EBF2: variants seen among roughly 807,000 people sequenced by gnomAD.
EBF2 encodes EBF transcription factor 2, also known as transcription factor COE2.
A neutral mutation model predicts 72.8 loss-of-function variants in EBF2; 21 were observed. That is an observed-to-expected ratio of 0.29 (90% CI 0.20 to 0.42). The LOEUF (loss-of-function observed/expected upper bound fraction) is 0.42, where lower values mean the gene tolerates loss of function less well. Among genes scored for constraint, EBF2 ranks in the 10% least tolerant of loss-of-function variants. The pLI, the probability that EBF2 is intolerant of heterozygous loss-of-function variation, is 1.00. For missense variants in EBF2, 637 were observed against 731.2 expected (o/e 0.87, Z 1.49); for synonymous variants, 299 against 274.2 (o/e 1.09, Z -0.89).
chr8:25,862,212 G>C (rs1056490594), intron 11 of EBF2, among the ~76,000 whole-genome samples: 1 of 152,042 alleles, frequency 6.6e-6, no homozygotes, highest in Non-Finnish European at 1.5e-5. Context: ...TAACAACATG[G>C]GCCAAATTCA....
intron 15 of EBF2, among the ~76,000 whole-genome samples, chr8:25,845,201 C>T (rs1319119107): frequency 1.3e-5 from 2 of 152,026 alleles, no homozygotes; most frequent in Non-Finnish European, 2.9e-5. Context: ...GAACACTGAT[C>T]ACTGGAATAG....
chr8:26,036,328 A>G (rs547648851), intron 5 of EBF2, among the ~76,000 whole-genome samples: 1 of 152,326 alleles, frequency 6.6e-6, no homozygotes, highest in Admixed American at 6.5e-5. Context: ...AAAAATGCAG[A>G]TAAACTTTAG....
chr8:25,917,697 T>A (rs1403137446), intron 6 of EBF2, among the ~76,000 whole-genome samples: 5 of 152,182 alleles, frequency 3.3e-5, no homozygotes, highest in Admixed American at 3.3e-4. Flanking sequence ...AAGTTATTAG[T>A]CAGCCATCAG....
Position 25,885,181 on chromosome 8 carries a change from G to A in EBF2, c.1009+1574C>T, listed in dbSNP as rs939299448. On this transcript the variant is annotated intron_variant, in intron 10 of 15. Coordinates refer to ENST00000520164, the MANE Select transcript of EBF2 (RefSeq NM_022659.4). ...TCAATGCCTTCTTATTTTCTGACAA[G>A]TCAAGTCTAAACTCCCTTACCAGGC... is the stretch of plus-strand genomic sequence containing the variant. Among the ~76,000 whole-genome samples the A allele has an allele frequency of 4.7e-5, 7 of 150,518 alleles. No individual in the cohort carries two copies. The East Asian group carries it at 1.2e-3, about 25-fold the overall frequency.
At chr8:25,896,862 G>A (rs895453008) in intron 7 of EBF2, among the ~76,000 whole-genome samples, 3 of 152,162 alleles carry the variant, frequency 2.0e-5, no homozygotes, top group African/African-American at 7.2e-5. Flanking sequence ...ATGGGCTACT[G>A]CAGTTTGTTC....
At chr8:26,042,971 G>T (rs747006627) in intron 1 of EBF2, among the ~76,000 whole-genome samples, 3 of 152,164 alleles carry the variant, frequency 2.0e-5, no homozygotes, top group Non-Finnish European at 2.9e-5. Context: ...CGACATAGGG[G>T]GCCCTCCCTC....
At chr8:25,888,710 G>T (rs951925676) in intron 8 of EBF2, among the ~76,000 whole-genome samples, 1 of 152,088 alleles carries the variant, frequency 6.6e-6, no homozygotes, top group Admixed American at 6.5e-5. Context: ...CCAGGCCTCT[G>T]GACTTTATAT....
intron 6 of EBF2, among the ~76,000 whole-genome samples, chr8:25,941,542 A>C (rs1384939204): frequency 1.3e-5 from 2 of 151,392 alleles, no homozygotes; most frequent in Non-Finnish European, 2.9e-5. Flanking sequence ...TTCCCGTCTG[A>C]CTCTTTTTGG....
intron 10 of EBF2, among the ~76,000 whole-genome samples, chr8:25,885,284 G>A (rs985543404): frequency 2.6e-5 from 4 of 151,748 alleles, no homozygotes; most frequent in Non-Finnish European, 5.9e-5. Flanking sequence ...ATTTTTAAGT[G>A]TGCAGCTCAT....
intron 6 of EBF2, among the ~76,000 whole-genome samples, chr8:26,020,687 T>G (rs1168792578): frequency 6.6e-6 from 1 of 151,924 alleles, no homozygotes; most frequent in East Asian, 1.9e-4. Flanking sequence ...GAAGCAGGGG[T>G]GGGGTTAACT....
At chr8:25,883,980 C>G (rs554203313) in intron 10 of EBF2, among the ~76,000 whole-genome samples, 2 of 152,234 alleles carry the variant, frequency 1.3e-5, no homozygotes, top group African/African-American at 2.4e-5. Flanking sequence ...GCTGGTGTTC[C>G]CAAGGCACCA....
intron 10 of EBF2, among the ~76,000 whole-genome samples, chr8:25,876,538 C>T (rs1374713125): frequency 2.0e-5 from 3 of 152,146 alleles, no homozygotes; most frequent in Non-Finnish European, 4.4e-5. Context: ...CCAGGTAAGG[C>T]GTCTTCTGAG....
At chr8:25,848,118 C>A (rs1801876945) in intron 15 of EBF2, among the ~76,000 whole-genome samples, 1 of 152,190 alleles carries the variant, frequency 6.6e-6, no homozygotes, top group African/African-American at 2.4e-5. Flanking sequence ...CCTGCCTCAG[C>A]CTCCCAAGTA....
chr8:25,933,235 G>T (rs1235359627), intron 6 of EBF2, among the ~76,000 whole-genome samples: 1 of 152,216 alleles, frequency 6.6e-6, no homozygotes, highest in African/African-American at 2.4e-5. Flanking sequence ...TGGACAGGAA[G>T]GAAAGTAGGA....
rs1238260580 is a variant in EBF2, at chr8:26,044,820, G to C, written c.40C>G (p.Leu14Val). 1.9e-5 allele frequency: 31 copies of C among 1,614,014 alleles called. 1 individual carries two copies. The highest frequency in any genetic ancestry group is 2.1e-5 in the Non-Finnish European group (25 of 1,180,032). Residue 14 changes from leucine to valine, a missense_variant, in exon 1 of 16, where the codon CTG (leucine) becomes GTG (valine). Coordinates refer to ENST00000520164, the MANE Select transcript of EBF2 (RefSeq NM_022659.4). This position sits in a 1 kb window ranked among gnomAD's most constrained non-coding sequence, Gnocchi z 4.1. ...IQDTLGRGPT[L>V]KEKSLGAEMD... ...TCCGCGCCCAGCGATTTCTCTTTCA[G>C]AGTTGGTCCTCTTCCTAAAGTATCT...
intron 6 of EBF2, among the ~76,000 whole-genome samples, chr8:25,962,087 G>A (rs1484425243): frequency 1.3e-5 from 2 of 152,120 alleles, no homozygotes; most frequent in Admixed American, 6.5e-5. Context: ...AGGGAGGAAC[G>A]TGCATTCTGA....
At chr8:25,901,421 CA>C (rs10712723) in intron 7 of EBF2, among the ~76,000 whole-genome samples, 56,111 of 111,110 alleles carry the variant, frequency 0.51, 12,049 homozygotes, top group East Asian at 0.71. Flanking sequence ...CATCTTGTCT[CA>C]AAAAAAAAAA....
Position 26,044,443 on chromosome 8 carries a change from G to A in EBF2, c.131+286C>T, listed in dbSNP as rs1805665848. ...ACTAGGGGCTGAGCTGGGAGATGTTGGGGGCTACTTTATTTTTCCTTGCAA... is the reference window on the plus strand; with the variant it reads ...ACTAGGGGCTGAGCTGGGAGATGTTAGGGGCTACTTTATTTTTCCTTGCAA... On this transcript the variant is annotated intron_variant, in intron 1 of 15. Transcript: ENST00000520164. This position sits in a 1 kb window ranked among gnomAD's most constrained non-coding sequence, Gnocchi z 4.1. 6.6e-6 allele frequency among the ~76,000 whole-genome samples: 1 copy of A among 152,224 alleles called. No individual in the cohort carries two copies. Among genetic ancestry groups the A allele is most frequent in the Non-Finnish European group, 1.5e-5 (1 of 68,032 alleles).
chr8:25,945,399 C>A (rs1355009008), intron 6 of EBF2, among the ~76,000 whole-genome samples: 1 of 152,026 alleles, frequency 6.6e-6, no homozygotes, highest in African/African-American at 2.4e-5. Flanking sequence ...GGCAAAGATG[C>A]CTCCCTTGTC....
Sources: allele counts gnomAD v4.1 joint callset (sites outside exome capture counted in the v4.1 genomes callset), GRCh38; gene constraint gnomAD v4.1.1; non-coding constraint Gnocchi (gnomAD v3.1); transcripts MANE v1.5; gene names NCBI Gene and HGNC (gene_info 2026-07-23, HGNC 2026-07-21).